The following SNRPD1 variants were observed in gnomAD, a reference collection of about 807,000 sequenced individuals.
SNRPD1 encodes the protein small nuclear ribonucleoprotein D1 polypeptide, also known as small nuclear ribonucleoprotein Sm D1.
SNRPD1 carries 1 observed loss-of-function variant against 14.4 expected under a neutral mutation model. The observed-to-expected ratio is 0.07, with a 90% CI of 0.02 to 0.33. SNRPD1 has a LOEUF of 0.33. Ranked by LOEUF, SNRPD1 falls within the 10% of genes least tolerant of loss-of-function variation. The pLI is 1.00. For synonymous variants in SNRPD1, 42 were observed against 50.3 expected (o/e 0.83, Z 0.70); for missense variants, 52 against 146.4 (o/e 0.36, Z 3.33).
chr18:21,628,442 G>A (rs1417597253), intron 3 of SNRPD1, among the ~76,000 whole-genome samples: 2 of 152,156 alleles, frequency 1.3e-5, no homozygotes, highest in African/African-American at 4.8e-5. Context: ...ATTCTTAGCT[G>A]TCTGAAGATG....
chr18:21,624,070 T>A, intron 3 of SNRPD1, 131 bp downstream of exon 3: 1 of 640,538 alleles, frequency 1.6e-6, no homozygotes, highest in Non-Finnish European at 2.7e-6. Context: ...GTATAGTAAT[T>A]CTTGGTGTTG....
intron 1 of SNRPD1, among the ~76,000 whole-genome samples, chr18:21,613,761 A>G (rs745665692): frequency 6.8e-6 from 1 of 146,844 alleles, no homozygotes. Context: ...AGGCTGAGGC[A>G]GGAGAATCGC....
In SNRPD1 at chr18:21,626,785, CA is replaced by C. The variant is rs57392456; in HGVS notation, c.284-2261del. ...TGGACAACAGAGAGAGACTTGGTCT[CA>C]AAAAAAAAAAAAAAATTGTTTTGTT... On this transcript the variant is annotated intron_variant, in intron 3 of 3. Transcript: ENST00000300413. Among the ~76,000 whole-genome samples the C allele has an allele frequency of 7.9e-3, 933 of 118,022 alleles. 7 individuals carry two copies. The highest frequency in any genetic ancestry group is 0.016 in the African/African-American group (490 of 30,098). 77.4% of individuals were successfully genotyped at this position (118,022 alleles called of 152,430 possible). A position where few individuals can be genotyped will look rare whatever the true frequency, so the allele number is the denominator to read the frequency against.
In SNRPD1 at chr18:21,621,902, A is replaced by T. The variant is rs562445105; in HGVS notation, c.15-823A>T. Reference sequence around the variant, plus strand: ...AGCCTCAGTTCTTAGAATGTTTTGTATGTTGAAATGGAAATATGTCCAATA... The same window carrying T: ...AGCCTCAGTTCTTAGAATGTTTTGTTTGTTGAAATGGAAATATGTCCAATA... On this transcript the variant is annotated intron_variant, in intron 1 of 3. Transcript: ENST00000300413. Among the ~76,000 whole-genome samples the T allele has an allele frequency of 3.4e-4, 52 of 152,106 alleles. 1 individual carries two copies. The highest frequency in any genetic ancestry group is 6.8e-4 in the Non-Finnish European group (46 of 68,028).
At chr18:21,622,611 A>G in intron 1 of SNRPD1, 114 bp from the exon 2 acceptor site, 1 of 618,168 alleles carries the variant, frequency 1.6e-6, no homozygotes, top group Non-Finnish European at 2.9e-6. Context: ...ATTGATAGGA[A>G]TTGATGCAGA....
intron 3 of SNRPD1, among the ~76,000 whole-genome samples, chr18:21,627,879 G>C (rs1226383575): frequency 6.6e-6 from 1 of 152,066 alleles, no homozygotes; most frequent in Non-Finnish European, 1.5e-5. Context: ...CCTGGTCCAA[G>C]ATCCAATCCA....
chr18:21,618,945 CG>C (rs1235095722), intron 1 of SNRPD1, among the ~76,000 whole-genome samples: 1 of 152,066 alleles, frequency 6.6e-6, no homozygotes, highest in Non-Finnish European at 1.5e-5. Flanking sequence ...TAGTCTAGTG[CG>C]GGAGGATAAT....
intron 1 of SNRPD1, among the ~76,000 whole-genome samples, chr18:21,614,088 C>T (rs1727004591): frequency 6.6e-6 from 1 of 151,788 alleles, no homozygotes; most frequent in African/African-American, 2.4e-5. Context: ...GCCTGGCCAA[C>T]GTGGTGAAAC....
chr18:21,629,013 C>A, intron 3 of SNRPD1, 49 bp from the exon 4 acceptor site: 1 of 1,412,456 alleles, frequency 7.1e-7, no homozygotes, highest in Non-Finnish European at 1.0e-6. Context: ...GTCTAGGTAA[C>A]ATTGGTGCAG....
intron 2 of SNRPD1, 62 bp from the exon 3 acceptor site, chr18:21,623,686 A>T (rs1004528649): frequency 2.6e-6 from 3 of 1,165,048 alleles, no homozygotes; most frequent in East Asian, 4.7e-5. Flanking sequence ...GTGGCTCAGT[A>T]GATTAATTAG....
At chr18:21,622,916 T>C (rs2039008898) in intron 2 of SNRPD1, 115 bp downstream of exon 2, 1 of 535,800 alleles carries the variant, frequency 1.9e-6, no homozygotes, top group Non-Finnish European at 3.3e-6. Context: ...ATTTTTTTTG[T>C]CTGAATTATG....
chr18:21,628,943 G>A (rs1013498575), intron 3 of SNRPD1, 119 bp from the exon 4 acceptor site: 2 of 775,656 alleles, frequency 2.6e-6, no homozygotes, highest in Admixed American at 1.8e-5. Context: ...TTTATTTACT[G>A]TAGCTACTAA....
Position 21,620,536 on chromosome 18 carries a change from G to A in SNRPD1, c.15-2189G>A, listed in dbSNP as rs73960449. 9.0e-3 allele frequency among the ~76,000 whole-genome samples: 1,365 copies of A among 152,232 alleles called. 22 individuals are homozygous for A. The highest frequency in any genetic ancestry group is 0.031 in the African/African-American group (1,284 of 41,532). ...TATCAAGGCAACTGGCTATTCAGTT[G>A]GGGAAAGTAATAAAGACAGATTTGT... On this transcript the variant is annotated intron_variant, in intron 1 of 3. Transcript: ENST00000300413.
At chr18:21,613,767 A>G (rs924057431) in intron 1 of SNRPD1, among the ~76,000 whole-genome samples, 1 of 146,362 alleles carries the variant, frequency 6.8e-6, no homozygotes. Flanking sequence ...AGGCAGGAGA[A>G]TCGCTTGAAC....
At position 21,630,827 on chromosome 18, in the gene SNRPD1, T is replaced by C. The variant is rs1279662274; in HGVS notation, c.*1689T>C. 1.3e-5 allele frequency: 2 copies of C among 148,378 alleles called. No homozygotes were observed. The highest frequency in any genetic ancestry group is 3.9e-4 in the East Asian group (2 of 5,160). The allele number at this position is 148,378 out of a possible 1,614,324, so 9.2% of individuals were successfully genotyped here. Reference sequence around the variant, plus strand: ...ATATGTATTTATACTAATATATAAATATATACTAATAGATATATTAGTATA... The same window carrying C: ...ATATGTATTTATACTAATATATAAACATATACTAATAGATATATTAGTATA... On this transcript the variant is annotated 3_prime_UTR_variant, in exon 4 of 4. Transcript: ENST00000300413.
intron 3 of SNRPD1, 48 bp from the exon 4 acceptor site, chr18:21,629,014 A>T: frequency 7.0e-7 from 1 of 1,432,582 alleles, no homozygotes; most frequent in Non-Finnish European, 9.9e-7. Context: ...TCTAGGTAAC[A>T]TTGGTGCAGG....
Position 21,612,427 on chromosome 18 carries a change from A to G in SNRPD1, c.-3A>G. The stretch of plus-strand genomic sequence containing the variant: ...GGACCCAGAGGGTGACGGCGCCGCT[A>G]GGATGAAGCTCGTGAGGTGAGGGAG... On this transcript the variant is annotated 5_prime_UTR_variant, in exon 1 of 4. Transcript: ENST00000300413. 6.4e-7 allele frequency: 1 copy of G among 1,558,308 alleles called. No individual in the cohort carries two copies. Among genetic ancestry groups the G allele is most frequent in the South Asian group, 1.2e-5 (1 of 85,668 alleles).
At chr18:21,627,161 C>T (rs1454653337) in intron 3 of SNRPD1, among the ~76,000 whole-genome samples, 2 of 151,958 alleles carry the variant, frequency 1.3e-5, no homozygotes, top group Non-Finnish European at 1.5e-5. Flanking sequence ...CCCAGCTACT[C>T]GGGAGGCTGA....
intron 3 of SNRPD1, 97 bp from the exon 4 acceptor site, chr18:21,628,965 A>G (rs1217589692): frequency 3.6e-5 from 33 of 908,296 alleles, no homozygotes; most frequent in Non-Finnish European, 2.6e-5. Flanking sequence ...AAAGAGCTAT[A>G]AACAGGGAAA....
Sources: allele counts gnomAD v4.1 joint callset (sites outside exome capture counted in the v4.1 genomes callset), GRCh38; gene constraint gnomAD v4.1.1; transcripts MANE v1.5; gene names NCBI Gene and HGNC (gene_info 2026-07-23, HGNC 2026-07-21).